The following RBMS3 variants were observed in gnomAD, a reference collection of about 807,000 sequenced individuals.
RBMS3 encodes RNA-binding motif, single-stranded-interacting protein 3.
In RBMS3, 27 loss-of-function variants were observed where a neutral mutation model predicts 66.8. The ratio of observed to expected loss-of-function variants is 0.40; its 90% CI spans 0.30 to 0.56. RBMS3 has a LOEUF of 0.56. Ranked by LOEUF, RBMS3 falls within the 20% of genes least tolerant of loss-of-function variation. The probability of loss-of-function intolerance (pLI) is 0.40; values close to 1 mark genes in which losing one functional copy is unlikely to be tolerated. For missense variants in RBMS3, 513 were observed against 549.5 expected, an observed-to-expected ratio of 0.93 and a Z score of 0.66; for synonymous variants, 188 against 183.0, an observed-to-expected ratio of 1.03 and a Z score of -0.22.
chr3:29,929,860 G>A (rs1470443996), intron 10 of RBMS3, among the ~76,000 whole-genome samples: 2 of 151,944 alleles, frequency 1.3e-5, no homozygotes, highest in East Asian at 1.9e-4. Flanking sequence ...TCCTGTCCAA[G>A]CATAGGAAAG....
chr3:29,935,964 C>G (rs932527228), intron 10 of RBMS3, 122 bp from the exon 11 acceptor site: 77 of 776,468 alleles, frequency 9.9e-5, no homozygotes, highest in Non-Finnish European at 1.4e-4. Context: ...TTGAATTTAG[C>G]CTTTTTAGTA....
intron 12 of RBMS3, among the ~76,000 whole-genome samples, chr3:29,979,267 A>C (rs530428862): frequency 1.3e-5 from 2 of 152,220 alleles, no homozygotes; most frequent in Non-Finnish European, 2.9e-5. Context: ...TGCTTGACTC[A>C]GTGTTGCTCT....
intron 3 of RBMS3, among the ~76,000 whole-genome samples, chr3:29,563,032 T>G (rs756939746): frequency 2.1e-4 from 32 of 152,274 alleles, no homozygotes; most frequent in Non-Finnish European, 4.4e-4. Context: ...TTTATATGGT[T>G]GTAGATTTAA....
chr3:29,502,412 A>G (rs2044009083), intron 3 of RBMS3, among the ~76,000 whole-genome samples: 2 of 152,136 alleles, frequency 1.3e-5, no homozygotes, highest in Non-Finnish European at 2.9e-5. Context: ...AAGTAAGACT[A>G]GAAGTAAATG....
chr3:29,408,216 G>A (rs2040109714), intron 1 of RBMS3, among the ~76,000 whole-genome samples: 1 of 145,138 alleles, frequency 6.9e-6, no homozygotes. Flanking sequence ...AGCTTGCAGT[G>A]AGCCGAGATT....
intron 1 of RBMS3, among the ~76,000 whole-genome samples, chr3:29,389,471 C>A (rs571308725): frequency 6.6e-6 from 1 of 152,270 alleles, no homozygotes; most frequent in Admixed American, 6.5e-5. Flanking sequence ...GTTCACAATG[C>A]ATTGAACATC....
At chr3:29,828,073 T>A (rs1224529800) in intron 6 of RBMS3, among the ~76,000 whole-genome samples, 1 of 152,000 alleles carries the variant, frequency 6.6e-6, no homozygotes, top group Non-Finnish European at 1.5e-5. Context: ...TGTATGTGTG[T>A]GTGTGTGAGA....
At chr3:29,581,257 A>G (rs2047319471) in intron 3 of RBMS3, among the ~76,000 whole-genome samples, 1 of 152,212 alleles carries the variant, frequency 6.6e-6, no homozygotes, top group South Asian at 2.1e-4. Flanking sequence ...TTTTAAAAGA[A>G]AAGTTGCAAT....
intron 1 of RBMS3, among the ~76,000 whole-genome samples, chr3:29,342,207 A>G (rs1055458777): frequency 6.6e-6 from 1 of 152,178 alleles, no homozygotes; most frequent in African/African-American, 2.4e-5. Flanking sequence ...CAGAAAATGG[A>G]AACCTGGTTT....
At chr3:29,876,793 T>G in intron 7 of RBMS3, among the ~76,000 whole-genome samples, 1 of 149,848 alleles carries the variant, frequency 6.7e-6, no homozygotes. Context: ...GCAAGGCGAG[T>G]GTATGTCTGA....
At chr3:29,645,964 A>T (rs1217458511) in intron 4 of RBMS3, among the ~76,000 whole-genome samples, 1 of 152,206 alleles carries the variant, frequency 6.6e-6, no homozygotes, top group Non-Finnish European at 1.5e-5. Context: ...ACAAAGCCCT[A>T]CATTACCTCT....
rs1191068399 is a variant in RBMS3 at position 30,006,783 on chromosome 3, C to A, written c.*2921C>A. On this transcript the variant is annotated 3_prime_UTR_variant, in exon 15 of 15. Transcript: ENST00000383767. Reference sequence around the variant, plus strand: ...TGATACAAAGAAAGTCTCATTCACACAATCAACAATGAGGCTAAGAGGTAG... The same window carrying A: ...TGATACAAAGAAAGTCTCATTCACAAAATCAACAATGAGGCTAAGAGGTAG... 2 of 151,966 alleles carry A rather than the reference C, an allele frequency of 1.3e-5. No individual in the cohort carries two copies. Among genetic ancestry groups the A allele is most frequent in the Non-Finnish European group, 2.9e-5 (2 of 67,918 alleles). The allele number at this position is 151,966 out of a possible 1,614,324, so 9.4% of individuals were successfully genotyped here.
intron 1 of RBMS3, among the ~76,000 whole-genome samples, chr3:29,408,868 T>C (rs140011721): frequency 5.9e-5 from 9 of 152,352 alleles, no homozygotes; most frequent in Admixed American, 2.6e-4. Context: ...GGTGAACTTA[T>C]ATTAGACCAT....
chr3:29,746,564 A>G (rs768556422), intron 5 of RBMS3, among the ~76,000 whole-genome samples: 3 of 152,120 alleles, frequency 2.0e-5, no homozygotes, highest in Non-Finnish European at 4.4e-5. Flanking sequence ...CAGCTTCTTC[A>G]TCTTTGTTCT....
chr3:29,691,332 C>G (rs1324258195), intron 4 of RBMS3, among the ~76,000 whole-genome samples: 1 of 152,170 alleles, frequency 6.6e-6, no homozygotes, highest in Non-Finnish European at 1.5e-5. Context: ...TCTGTACCTT[C>G]TCCCAGAATA....
chr3:29,781,114 C>A (rs538856181), intron 6 of RBMS3, among the ~76,000 whole-genome samples: 1 of 138,984 alleles, frequency 7.2e-6, no homozygotes, highest in South Asian at 2.7e-4. Flanking sequence ...ATCCCTCCCC[C>A]CTCCCCCGAG....
chr3:29,743,730 C>CTT (rs142469262), intron 5 of RBMS3, among the ~76,000 whole-genome samples: 2 of 136,854 alleles, frequency 1.5e-5, no homozygotes, highest in African/African-American at 5.4e-5. Context: ...ATTTGCATTT[C>CTT]TTTTTTTTTT....
At chr3:29,538,348 A>T (rs1427092785) in intron 3 of RBMS3, among the ~76,000 whole-genome samples, 2 of 152,188 alleles carry the variant, frequency 1.3e-5, no homozygotes, top group Non-Finnish European at 2.9e-5. Flanking sequence ...AATATGAAAA[A>T]CTCGAACTAG....
At chr3:29,515,923 T>C (rs1005511592) in intron 3 of RBMS3, among the ~76,000 whole-genome samples, 1 of 152,192 alleles carries the variant, frequency 6.6e-6, no homozygotes, top group African/African-American at 2.4e-5. Flanking sequence ...TTGGAAATAG[T>C]AGTTTTTATA....
Sources: allele counts gnomAD v4.1 joint callset (sites outside exome capture counted in the v4.1 genomes callset), GRCh38; gene constraint gnomAD v4.1.1; transcripts MANE v1.5; gene names NCBI Gene and HGNC (gene_info 2026-07-23, HGNC 2026-07-21).